Variants in UNC5D observed in about 807,000 individuals in gnomAD.
UNC5D encodes the protein netrin receptor UNC5D.
Under a neutral mutation model 105.4 loss-of-function variants are expected in UNC5D, and 39 were observed. The ratio of observed to expected loss-of-function variants is 0.37; its 90% confidence interval spans 0.29 to 0.48. The LOEUF (loss-of-function observed/expected upper bound fraction) is 0.48, where lower values mean the gene tolerates loss of function less well. Ranked by LOEUF, UNC5D falls within the 20% of genes least tolerant of loss-of-function variation. The pLI is 0.98. For missense variants in UNC5D, 991 were observed against 1,202.4 expected (o/e 0.82, Z 2.60); for synonymous variants, 452 against 450.4 (o/e 1.00, Z -0.04).
intron 4 of UNC5D, among the ~76,000 whole-genome samples, chr8:35,646,061 A>G (rs919415842): frequency 6.6e-6 from 1 of 152,144 alleles, no homozygotes; most frequent in African/African-American, 2.4e-5. Context: ...AACCAAAGAA[A>G]TGGATTAGAA....
In UNC5D at chr8:35,794,881, G is replaced by A. The variant is rs1171719756; in HGVS notation, c.*4318G>A. 6.6e-6 allele frequency: 1 copy of A among 152,202 alleles called. No homozygotes were observed. The highest frequency in any genetic ancestry group is 1.5e-5 in the Non-Finnish European group (1 of 68,040). The allele number at this position is 152,202 out of a possible 1,614,324, so 9.4% of individuals were successfully genotyped here. A position where few individuals can be genotyped will look rare whatever the true frequency, so the allele number is the denominator to read the frequency against. On this transcript the variant is annotated 3_prime_UTR_variant, in exon 17 of 17. Transcript: ENST00000404895. ...AATTCTTCGAAAAGTAACAGGGGAT[G>A]GAAATCAGACCTGGCCGTTAGTCAC...
intron 4 of UNC5D, among the ~76,000 whole-genome samples, chr8:35,598,698 G>A (rs1819637585): frequency 1.3e-5 from 2 of 152,174 alleles, no homozygotes; most frequent in South Asian, 4.1e-4. Flanking sequence ...AATGTGTTAT[G>A]CACACACAAT....
intron 1 of UNC5D, among the ~76,000 whole-genome samples, chr8:35,538,268 T>C (rs35827990): frequency 0.14 from 21,659 of 149,962 alleles, 1,967 homozygotes; most frequent in East Asian, 0.27. Context: ...GAGTTTAGAT[T>C]CCTAAAAGAA....
intron 1 of UNC5D, among the ~76,000 whole-genome samples, chr8:35,281,625 G>A (rs1806173330): frequency 6.6e-6 from 1 of 152,010 alleles, no homozygotes. Flanking sequence ...TGAAAGGTTA[G>A]CATTGCTATG....
chr8:35,434,210 G>A (rs924999258), intron 1 of UNC5D, among the ~76,000 whole-genome samples: 3 of 152,036 alleles, frequency 2.0e-5, no homozygotes, highest in African/African-American at 4.8e-5. Context: ...TCAATTTCAC[G>A]TGGATTTTAC....
chr8:35,766,547 G>T (rs1801776312), intron 14 of UNC5D, among the ~76,000 whole-genome samples: 1 of 152,148 alleles, frequency 6.6e-6, no homozygotes, highest in African/African-American at 2.4e-5. Flanking sequence ...TGGCCCACAG[G>T]AGTCTTCCAA....
intron 1 of UNC5D, among the ~76,000 whole-genome samples, chr8:35,534,046 C>T (rs2130574940): frequency 6.6e-6 from 1 of 152,310 alleles, no homozygotes; most frequent in East Asian, 1.9e-4. Flanking sequence ...CGGAGCTGTT[C>T]CTATTCGGCC....
chr8:35,568,235 A>G lies in UNC5D; in HGVS notation c.460A>G (p.Ile154Val), dbSNP rs777831269. Residue 154 changes from isoleucine to valine, a missense_variant, in exon 3 of 17, where the codon ATA becomes GTA. Ile to Val is a conservative substitution (Grantham distance 29). Coordinates refer to ENST00000404895, the MANE Select transcript of UNC5D (RefSeq NM_080872.4). ...CAAGAGCAGGAAGGCCTCTGTGCGC[A>G]TAGCCTGTAAGTACATTCTGGGTGA... The part of the protein sequence containing the change: ...TSKSRKASVR[I>V]AYLRKNFEQD... 6.2e-7 allele frequency: 1 copy of G among 1,614,086 alleles called. No individual in the cohort carries two copies. Among genetic ancestry groups the G allele is most frequent in the Non-Finnish European group, 8.5e-7 (1 of 1,179,984 alleles).
chr8:35,552,415 A>T (rs184729031), intron 2 of UNC5D, among the ~76,000 whole-genome samples: 112 of 152,328 alleles, frequency 7.4e-4, no homozygotes, highest in African/African-American at 2.5e-3. Context: ...TCTTGCTGAC[A>T]TAAGGATGGA....
intron 1 of UNC5D, among the ~76,000 whole-genome samples, chr8:35,443,730 T>C (rs542991749): frequency 1.3e-5 from 2 of 152,126 alleles, no homozygotes; most frequent in Admixed American, 1.3e-4. Context: ...CTTTCCCAAC[T>C]CATTTTATTG....
chr8:35,605,091 C>T (rs1357388696), intron 4 of UNC5D, among the ~76,000 whole-genome samples: 2 of 152,208 alleles, frequency 1.3e-5, no homozygotes, highest in Admixed American at 1.3e-4. Context: ...TGGTGAGGAG[C>T]TGCGTTCCTT....
intron 1 of UNC5D, among the ~76,000 whole-genome samples, chr8:35,517,185 G>A (rs1813153158): frequency 6.6e-6 from 1 of 151,982 alleles, no homozygotes; most frequent in Non-Finnish European, 1.5e-5. Flanking sequence ...CACATATACT[G>A]CCCCATTTTC....
At chr8:35,640,927 CCT>C (rs561692687) in intron 4 of UNC5D, among the ~76,000 whole-genome samples, 6 of 151,146 alleles carry the variant, frequency 4.0e-5, no homozygotes, top group Admixed American at 6.6e-5. Flanking sequence ...CTCCTCCTCT[CCT>C]CTCTCTCTCT....
At chr8:35,653,062 T>C (rs1823527510) in intron 4 of UNC5D, among the ~76,000 whole-genome samples, 1 of 151,874 alleles carries the variant, frequency 6.6e-6, no homozygotes, top group Non-Finnish European at 1.5e-5. Flanking sequence ...CCTGCGTAGC[T>C]GGGAATACAG....
chr8:35,778,096 T>C (rs913579692), intron 16 of UNC5D, among the ~76,000 whole-genome samples: 1 of 152,212 alleles, frequency 6.6e-6, no homozygotes, highest in Non-Finnish European at 1.5e-5. Flanking sequence ...ATGTCCTGTT[T>C]TAAGTAGTAC....
At chr8:35,638,458 T>G (rs1185918052) in intron 4 of UNC5D, among the ~76,000 whole-genome samples, 2 of 151,922 alleles carry the variant, frequency 1.3e-5, no homozygotes, top group Non-Finnish European at 2.9e-5. Context: ...ATTACTTTTT[T>G]TATGTGTAGT....
chr8:35,464,346 T>A (rs4579522), intron 1 of UNC5D, among the ~76,000 whole-genome samples: 128,379 of 151,968 alleles, frequency 0.84, 54,759 homozygotes, highest in Non-Finnish European at 0.91. Flanking sequence ...ATAATAATAA[T>A]AAAAAAGAAA....
At chr8:35,789,873 T>G (rs1215413679) in intron 16 of UNC5D, among the ~76,000 whole-genome samples, 1 of 149,464 alleles carries the variant, frequency 6.7e-6, no homozygotes, top group African/African-American at 2.5e-5. Flanking sequence ...ATAGAGCATG[T>G]CAAGGGGATA....
intron 1 of UNC5D, among the ~76,000 whole-genome samples, chr8:35,368,469 A>G (rs942022714): frequency 3.3e-5 from 5 of 152,132 alleles, no homozygotes; most frequent in Admixed American, 6.6e-5. Flanking sequence ...AAAAGCAAAG[A>G]CATTCTATTA....
Sources: allele counts gnomAD v4.1 joint callset (sites outside exome capture counted in the v4.1 genomes callset), GRCh38; gene constraint gnomAD v4.1.1; transcripts MANE v1.5; gene names NCBI Gene and HGNC (gene_info 2026-07-23, HGNC 2026-07-21).